The following PDE10A variants were observed in gnomAD, a reference collection of about 807,000 sequenced individuals.
PDE10A encodes the protein cAMP and cAMP-inhibited cGMP 3',5'-cyclic phosphodiesterase 10A.
PDE10A carries 39 observed loss-of-function variants against 97.7 expected under a neutral mutation model. The ratio of observed to expected loss-of-function variants is 0.40; its 90% confidence interval spans 0.31 to 0.52. The LOEUF (loss-of-function observed/expected upper bound fraction) is 0.52. PDE10A is among the 20% of genes least tolerant of loss of function. The probability of loss-of-function intolerance (pLI) is 0.56; values close to 1 mark genes in which losing one functional copy is unlikely to be tolerated. For synonymous variants in PDE10A, 371 were observed against 376.8 expected, an observed-to-expected ratio of 0.98 and a Z score of 0.18; for missense variants, 731 against 1,047.8, an observed-to-expected ratio of 0.70 and a Z score of 4.17.
chr6:165,804,898 G>T (rs2128466179), intron 1 of PDE10A, among the ~76,000 whole-genome samples: 1 of 150,704 alleles, frequency 6.6e-6, no homozygotes, highest in South Asian at 2.1e-4. Flanking sequence ...AGTGGGGCGT[G>T]GGGCAAGCAG....
chr6:165,478,821 C>T (rs1295715536), intron 3 of PDE10A, among the ~76,000 whole-genome samples: 1 of 152,122 alleles, frequency 6.6e-6, no homozygotes, highest in African/African-American at 2.4e-5. Flanking sequence ...AAACCCTTAC[C>T]TTAAGCCAGA....
chr6:165,832,027 A>G (rs1018592095), intron 1 of PDE10A, among the ~76,000 whole-genome samples: 3 of 152,256 alleles, frequency 2.0e-5, no homozygotes, highest in Non-Finnish European at 4.4e-5. Context: ...GGAAGTCAGA[A>G]GAGACATCAA....
At chr6:165,628,193 T>G (rs1788473064) in intron 1 of PDE10A, among the ~76,000 whole-genome samples, 1 of 152,224 alleles carries the variant, frequency 6.6e-6, no homozygotes, top group Admixed American at 6.5e-5. Flanking sequence ...GCCAATCTAC[T>G]TAATTTCTCT....
intron 1 of PDE10A, among the ~76,000 whole-genome samples, chr6:165,679,355 C>T (rs896472077): frequency 3.9e-5 from 6 of 152,220 alleles, no homozygotes; most frequent in Admixed American, 1.3e-4. Flanking sequence ...AGTAGGTTCT[C>T]AAAGTGGATA....
At chr6:165,539,804 G>A (rs926872528) in intron 2 of PDE10A, among the ~76,000 whole-genome samples, 4 of 152,014 alleles carry the variant, frequency 2.6e-5, no homozygotes, top group African/African-American at 7.2e-5. Flanking sequence ...GTGCGCACCT[G>A]TAATCCCAGC....
chr6:165,806,042 TAAAAAAAAAAAAAAAA>T (rs67104260), intron 1 of PDE10A, among the ~76,000 whole-genome samples: 298 of 73,150 alleles, frequency 4.1e-3, no homozygotes, highest in African/African-American at 0.016. Context: ...GCTTGATTAT[TAAAAAAAAAAAAAAAA>T]AAAAAAAAAA....
chr6:165,749,190 T>TCACCAC (rs796359779), intron 1 of PDE10A, among the ~76,000 whole-genome samples: 452 of 2,034 alleles, frequency 0.22, 80 homozygotes, highest in East Asian at 0.36. Flanking sequence ...ACTATCACTG[T>TCACCAC]CATCACCATC....
At chr6:165,832,177 A>G (rs2128471282) in intron 1 of PDE10A, among the ~76,000 whole-genome samples, 1 of 152,196 alleles carries the variant, frequency 6.6e-6, no homozygotes, top group East Asian at 1.9e-4. Flanking sequence ...TATAACTTAT[A>G]TGTATGTTTA....
intron 2 of PDE10A, among the ~76,000 whole-genome samples, chr6:165,513,247 A>G (rs1017708538): frequency 1.3e-5 from 2 of 152,056 alleles, no homozygotes; most frequent in African/African-American, 4.8e-5. Context: ...CAGTCTTTAT[A>G]GTTATTGTTT....
At chr6:165,825,698 A>G (rs2128470005) in intron 1 of PDE10A, among the ~76,000 whole-genome samples, 1 of 152,306 alleles carries the variant, frequency 6.6e-6, no homozygotes, top group East Asian at 1.9e-4. Flanking sequence ...GCCTGACTCC[A>G]GCCATGGCTC....
intron 1 of PDE10A, among the ~76,000 whole-genome samples, chr6:165,555,246 T>C (rs1172092732): frequency 6.6e-6 from 1 of 152,138 alleles, no homozygotes; most frequent in Admixed American, 6.5e-5. Flanking sequence ...TTCTTTCACA[T>C]TGCATGCCTG....
intron 1 of PDE10A, among the ~76,000 whole-genome samples, chr6:165,792,946 G>A (rs912975527): frequency 6.6e-6 from 1 of 152,196 alleles, no homozygotes; most frequent in African/African-American, 2.4e-5. Context: ...GTCAAGGCCG[G>A]CAGGCACAGT....
intron 1 of PDE10A, among the ~76,000 whole-genome samples, chr6:165,961,409 G>A (rs1437590528): frequency 6.6e-6 from 1 of 152,226 alleles, no homozygotes; most frequent in Non-Finnish European, 1.5e-5. Flanking sequence ...ATGCGATCAT[G>A]TGGAAATGCT....
intron 1 of PDE10A, among the ~76,000 whole-genome samples, chr6:165,823,927 A>G (rs1779653079): frequency 6.6e-6 from 1 of 152,184 alleles, no homozygotes; most frequent in African/African-American, 2.4e-5. Flanking sequence ...GCATTTCAAT[A>G]TGTCCTAATT....
At chr6:165,820,605 G>C (rs773652818) in intron 1 of PDE10A, among the ~76,000 whole-genome samples, 2 of 152,200 alleles carry the variant, frequency 1.3e-5, no homozygotes, top group Non-Finnish European at 2.9e-5. Flanking sequence ...GCCCCCCAGC[G>C]TCTGGTCCTC....
chr6:165,773,854 T>C (rs767339569), intron 1 of PDE10A, among the ~76,000 whole-genome samples: 6 of 152,048 alleles, frequency 3.9e-5, no homozygotes, highest in Non-Finnish European at 4.4e-5. Flanking sequence ...TCATTTACAA[T>C]GGTGAAAAAT....
At chr6:165,863,985 A>AG (rs1713030184) in intron 1 of PDE10A, among the ~76,000 whole-genome samples, 2 of 152,210 alleles carry the variant, frequency 1.3e-5, no homozygotes, top group South Asian at 4.1e-4. Context: ...AATATGCCTA[A>AG]GGGGAAATGC....
chr6:165,742,857 C>T (rs1418866363), intron 1 of PDE10A, among the ~76,000 whole-genome samples: 4 of 152,180 alleles, frequency 2.6e-5, no homozygotes, highest in African/African-American at 7.2e-5. Flanking sequence ...AGAGACTGCA[C>T]GCAACACTGC....
chr6:165,368,769 GCCT>G (rs946086744), intron 18 of PDE10A, among the ~76,000 whole-genome samples: 2 of 152,216 alleles, frequency 1.3e-5, no homozygotes, highest in African/African-American at 4.8e-5. Flanking sequence ...CGGGCAGACT[GCCT>G]CCTCAAGTGG....
Sources: allele counts gnomAD v4.1 joint callset (sites outside exome capture counted in the v4.1 genomes callset), GRCh38; gene constraint gnomAD v4.1.1; transcripts MANE v1.5; gene names NCBI Gene and HGNC (gene_info 2026-07-23, HGNC 2026-07-21).